The following CDC42EP2 variants were observed in gnomAD, a reference collection of about 807,000 sequenced individuals.
The protein encoded by CDC42EP2 is CDC42 effector protein 2, also known as CDC42 effector protein (Rho GTPase binding) 2.
A neutral mutation model predicts 7.3 loss-of-function variants in CDC42EP2; 5 were observed. The observed-to-expected ratio is 0.68, with a 90% CI of 0.36 to 1.44. CDC42EP2 has a LOEUF of 1.44. CDC42EP2 is among the 40% of genes most tolerant of loss of function. CDC42EP2 has a pLI of 0.04. For missense variants in CDC42EP2, 251 were observed against 282.6 expected (o/e 0.89, Z 0.80); for synonymous variants, 113 against 123.6 (o/e 0.91, Z 0.57).
At position 65,320,582 on chromosome 11, in the gene CDC42EP2, A is replaced by G. The variant is rs1049793971; in HGVS notation, c.-317A>G. The G allele has an allele frequency of 3.4e-5, 11 of 321,754 alleles. No individual in the cohort carries two copies. The highest frequency in any genetic ancestry group is 6.3e-5 in the African/African-American group (3 of 47,970). 19.9% of individuals were successfully genotyped at this position (321,754 alleles called of 1,614,324 possible). A position where few individuals can be genotyped will look rare whatever the true frequency, so the allele number is the denominator to read the frequency against. ...GACCGGGGACAAGTAACCCTCGGTG[A>G]CAAGACCAAAGTGCACTGCTGCCCA... is the stretch of plus-strand genomic sequence containing the variant. On this transcript the variant is annotated 5_prime_UTR_variant, in exon 2 of 2. Transcript: ENST00000279249.
rs962243595 is a variant in CDC42EP2 at position 65,315,564 on chromosome 11, T to C, written c.-356+610T>C. ...GGGCAGGGTCCCCAATCGCCCCCTT[T>C]TTCCCCGATTGTGGGACCAGAAACC... is the stretch of plus-strand genomic sequence containing the variant. On this transcript the variant is annotated intron_variant, in intron 1 of 1. Coordinates refer to ENST00000279249, the MANE Select transcript of CDC42EP2 (RefSeq NM_006779.4). This position sits in a 1 kb window ranked among gnomAD's most constrained non-coding sequence, Gnocchi z 4.1. Among the ~76,000 whole-genome samples the C allele has an allele frequency of 1.3e-5, 2 of 152,206 alleles. No homozygotes were observed. The highest frequency in any genetic ancestry group is 4.8e-5 in the African/African-American group (2 of 41,464).
In CDC42EP2 at chr11:65,319,198, G is replaced by A. The variant is rs562371907; in HGVS notation, c.-355-1346G>A. Among the ~76,000 whole-genome samples the A allele has an allele frequency of 3.4e-5, 5 of 148,796 alleles. No homozygotes were observed. In the East Asian group the frequency reaches 8.0e-4, roughly 24 times the overall value. Reference sequence around the variant, plus strand: ...AGCTGGAGTGCCGTGGGGCGATCTCGGCCCACTGTAACCTCCACCTCCGGG... The same window carrying A: ...AGCTGGAGTGCCGTGGGGCGATCTCAGCCCACTGTAACCTCCACCTCCGGG... On this transcript the variant is annotated intron_variant, in intron 1 of 1. Transcript: ENST00000279249.
rs1357550276 is a variant in CDC42EP2 at position 65,321,666 on chromosome 11, C to T, written c.*135C>T. 7 of 802,150 alleles carry T rather than the reference C, an allele frequency of 8.7e-6. No individual in the cohort carries two copies. The highest frequency in any genetic ancestry group is 1.4e-5 in the Non-Finnish European group (7 of 500,952). 49.7% of individuals were successfully genotyped at this position (802,150 alleles called of 1,614,324 possible). A position where few individuals can be genotyped will look rare whatever the true frequency, so the allele number is the denominator to read the frequency against. ...GCTGGCCAGTGATTCTCCTTCTGAGCCGTGTTTCCCCTCTCCCTCCCTCTC... is the reference window on the plus strand; with the variant it reads ...GCTGGCCAGTGATTCTCCTTCTGAGTCGTGTTTCCCCTCTCCCTCCCTCTC... On this transcript the variant is annotated 3_prime_UTR_variant, in exon 2 of 2. Coordinates refer to ENST00000279249, the MANE Select transcript of CDC42EP2 (RefSeq NM_006779.4). The surrounding 1 kb of genome is among the most constrained non-coding windows in gnomAD (Gnocchi z 4.4).
Position 65,315,261 on chromosome 11 carries a change from C to T in CDC42EP2, c.-356+307C>T, listed in dbSNP as rs1210776698. On this transcript the variant is annotated intron_variant, in intron 1 of 1. Coordinates refer to ENST00000279249, the MANE Select transcript of CDC42EP2 (RefSeq NM_006779.4). This position sits in a 1 kb window ranked among gnomAD's most constrained non-coding sequence, Gnocchi z 4.1. ...GTGCCCCGCCGCCCAGCATCCCCACCGGGGCTGGGGGCCGTATTTTTAGCC... is the reference window on the plus strand; with the variant it reads ...GTGCCCCGCCGCCCAGCATCCCCACTGGGGCTGGGGGCCGTATTTTTAGCC... 6.6e-6 allele frequency among the ~76,000 whole-genome samples: 1 copy of T among 152,240 alleles called. No homozygotes were observed. The highest frequency in any genetic ancestry group is 1.9e-4 in the East Asian group (1 of 5,194).
At chr11:65,317,012 G>A (rs1262886285) in intron 1 of CDC42EP2, 2 of 152,298 alleles carry the variant, frequency 1.3e-5, no homozygotes, top group Admixed American at 6.5e-5. Context: ...TGAAAAGGAA[G>A]ACAAGCCCCC....
At chr11:65,319,886 A>G (rs371297339) in intron 1 of CDC42EP2, among the ~76,000 whole-genome samples, 8 of 152,194 alleles carry the variant, frequency 5.3e-5, no homozygotes, top group African/African-American at 1.9e-4. Context: ...GTGATGTGCA[A>G]TGGAGGTGGG....
intron 1 of CDC42EP2, among the ~76,000 whole-genome samples, chr11:65,320,330 G>C (rs371071192): frequency 1.2e-4 from 19 of 152,228 alleles, no homozygotes; most frequent in African/African-American, 4.6e-4. Context: ...AATTAGCCAG[G>C]CATGGTGACA....
chr11:65,319,132 A>ATT (rs35711764), intron 1 of CDC42EP2, among the ~76,000 whole-genome samples: 18,582 of 133,940 alleles, frequency 0.14, 1,352 homozygotes, highest in South Asian at 0.19. Context: ...GACACCTCTG[A>ATT]TTTTTTTTTT....
At chr11:65,316,551 C>A (rs907027516) in intron 1 of CDC42EP2, among the ~76,000 whole-genome samples, 22 of 152,282 alleles carry the variant, frequency 1.4e-4, no homozygotes, top group Admixed American at 2.0e-4. Flanking sequence ...TGCATGGGAA[C>A]CACGTGGACC....
At chr11:65,318,029 G>A (rs1949955487) in intron 1 of CDC42EP2, among the ~76,000 whole-genome samples, 1 of 149,768 alleles carries the variant, frequency 6.7e-6, no homozygotes, top group African/African-American at 2.5e-5. Context: ...CCCTAGTCAA[G>A]GTAGCCCATA....
intron 1 of CDC42EP2, among the ~76,000 whole-genome samples, chr11:65,319,367 A>C (rs1056004359): frequency 2.0e-5 from 3 of 151,980 alleles, no homozygotes; most frequent in Non-Finnish European, 2.9e-5. Flanking sequence ...TGACCTCGTG[A>C]TCCACCTGCC....
In CDC42EP2 at chr11:65,315,398, CGAGCCGGAGCTAAG is replaced by C. The variant is rs1041649648; in HGVS notation, c.-356+453_-356+466del. ...GTGGGGAGGGGTCGGCGCAGGAACC[CGAGCCGGAGCTAAG>C]GAGCCGGACCCGTGGGAGGGGCGGG... On this transcript the variant is annotated intron_variant, in intron 1 of 1. Transcript: ENST00000279249. This position sits in a 1 kb window ranked among gnomAD's most constrained non-coding sequence, Gnocchi z 4.1. 5.9e-5 allele frequency among the ~76,000 whole-genome samples: 9 copies of C among 152,166 alleles called. No individual in the cohort carries two copies. Among genetic ancestry groups the C allele is most frequent in the African/African-American group, 2.2e-4 (9 of 41,452 alleles).
At position 65,321,096 on chromosome 11, in the gene CDC42EP2, G is replaced by A. The variant is rs772664762; in HGVS notation, c.198G>A (p.Pro66=). Residue 66 remains proline, a synonymous_variant, in exon 2 of 2, where the codon CCG becomes CCA. Coordinates refer to ENST00000279249, the MANE Select transcript of CDC42EP2 (RefSeq NM_006779.4). This position sits in a 1 kb window ranked among gnomAD's most constrained non-coding sequence, Gnocchi z 4.4. ...TGCAGGGCAAGTTCCACCTCCTGCC[G>A]GGGACCATGGTGGAGGGGCCTGAAG... The part of the protein sequence containing the change: ...SFLQGKFHLL[P]GTMVEGPEED... 1.1e-5 allele frequency: 17 copies of A among 1,613,994 alleles called. No individual in the cohort carries two copies. The highest frequency in any genetic ancestry group is 1.7e-5 in the Admixed American group (1 of 60,002).
Position 65,315,154 on chromosome 11 carries a change from G to A in CDC42EP2, c.-356+200G>A, listed in dbSNP as rs932693944. On this transcript the variant is annotated intron_variant, in intron 1 of 1. Transcript: ENST00000279249. This position sits in a 1 kb window ranked among gnomAD's most constrained non-coding sequence, Gnocchi z 4.1. ...CCCGTGCCCGCCACGGTCCGTGGGG[G>A]CGCAACGCATCCCGACCCCGAATTC... Among the ~76,000 whole-genome samples the A allele has an allele frequency of 1.2e-4, 18 of 152,176 alleles. No individual in the cohort carries two copies. The highest frequency in any genetic ancestry group is 2.2e-4 in the Non-Finnish European group (15 of 68,004).
At position 65,314,872 on chromosome 11, in the gene CDC42EP2, TCACCGCCGGTCGGGTCC is replaced by T. The variant is rs945711544; in HGVS notation, c.-437_-421del. 7.2e-5 allele frequency: 11 copies of T among 152,030 alleles called. No homozygotes were observed. The highest frequency in any genetic ancestry group is 2.7e-4 in the African/African-American group (11 of 41,382). The allele number at this position is 152,030 out of a possible 1,614,324, so 9.4% of individuals were successfully genotyped here. A position where few individuals can be genotyped will look rare whatever the true frequency, so the allele number is the denominator to read the frequency against. On this transcript the variant is annotated 5_prime_UTR_variant, in exon 1 of 2. Coordinates refer to ENST00000279249, the MANE Select transcript of CDC42EP2 (RefSeq NM_006779.4). ...GGGGTCCGCGGTGCACTCTGTAAGTTCACCGCCGGTCGGGTCCGGCCGCCGCGCTGTCCAGCTCCTGA... is the reference window on the plus strand; with the variant it reads ...GGGGTCCGCGGTGCACTCTGTAAGTTGGCCGCCGCGCTGTCCAGCTCCTGA...
Position 65,321,791 on chromosome 11 carries a change from C to T in CDC42EP2, c.*260C>T. 2.2e-6 allele frequency: 1 copy of T among 451,120 alleles called. No individual in the cohort carries two copies. Among genetic ancestry groups the T allele is most frequent in the Non-Finnish European group, 4.1e-6 (1 of 241,386 alleles). The allele number at this position is 451,120 out of a possible 1,614,324, so 27.9% of individuals were successfully genotyped here. A position where few individuals can be genotyped will look rare whatever the true frequency, so the allele number is the denominator to read the frequency against. On this transcript the variant is annotated 3_prime_UTR_variant, in exon 2 of 2. Coordinates refer to ENST00000279249, the MANE Select transcript of CDC42EP2 (RefSeq NM_006779.4). This position sits in a 1 kb window ranked among gnomAD's most constrained non-coding sequence, Gnocchi z 4.4. ...CTGAGCATCTTGGGGCACCTGGACC[C>T]CATCACAATACTCCTTCTTCCTTCA... is the stretch of plus-strand genomic sequence containing the variant.
At position 65,321,331 on chromosome 11, in the gene CDC42EP2, G is replaced by A; in HGVS notation, c.433G>A (p.Gly145Arg). The change falls in exon 2 of 2, where the codon GGA (glycine) becomes AGA (arginine). Residue 145 changes from glycine (G) to arginine (R), a missense_variant. Transcript: ENST00000279249. This position sits in a 1 kb window ranked among gnomAD's most constrained non-coding sequence, Gnocchi z 4.4. ...LETPQPSPQE[G>R]GSVDIWRIPE... is the part of the protein sequence containing the mutation. The stretch of plus-strand genomic sequence containing the variant: ...GACCCCTCAGCCTTCCCCACAGGAG[G>A]GAGGGAGTGTGGACATCTGGAGGAT... 1.2e-6 allele frequency: 2 copies of A among 1,613,990 alleles called. No individual in the cohort carries two copies. Among genetic ancestry groups the A allele is most frequent in the Non-Finnish European group, 8.5e-7 (1 of 1,180,004 alleles).
Position 65,321,076 on chromosome 11 carries a change from G to A in CDC42EP2, c.178G>A (p.Gly60Ser), listed in dbSNP as rs1376977024. 6.2e-7 allele frequency: 1 copy of A among 1,613,984 alleles called. No individual in the cohort carries two copies. The highest frequency in any genetic ancestry group is 2.2e-5 in the East Asian group (1 of 44,876). Residue 60 changes from glycine to serine, a missense_variant, in exon 2 of 2, where the codon GGC becomes AGC. By Grantham distance (56) the Gly-to-Ser change is moderately conservative. Transcript: ENST00000279249. This position sits in a 1 kb window ranked among gnomAD's most constrained non-coding sequence, Gnocchi z 4.4. ...GTTTGGCGACATCTCCTTCCTGCAG[G>A]GCAAGTTCCACCTCCTGCCGGGGAC... is the stretch of plus-strand genomic sequence containing the variant. The part of the protein sequence containing the change: ...DMFGDISFLQ[G>S]KFHLLPGTMV...
intron 1 of CDC42EP2, among the ~76,000 whole-genome samples, chr11:65,318,421 ATTT>A (rs1279340276): frequency 4.4e-5 from 5 of 114,044 alleles, no homozygotes; most frequent in East Asian, 2.4e-4. Flanking sequence ...CACCTGGCAA[ATTT>A]TTTTTTTTTT....
Sources: gnomAD v4.1 joint callset for allele counts (sites outside exome capture counted in the v4.1 genomes callset) on GRCh38, gnomAD v4.1.1 for gene constraint, Gnocchi (gnomAD v3.1) non-coding constraint, MANE v1.5 for transcripts, NCBI Gene and HGNC (gene_info 2026-07-23, HGNC 2026-07-21) for gene names.